Variants in PCDHA6 observed in about 807,000 individuals in gnomAD.
PCDHA6 encodes the protein protocadherin alpha-6.
In PCDHA6, 55 loss-of-function variants were observed where a neutral mutation model predicts 60.3. That is an observed-to-expected ratio of 0.91 (90% CI 0.73 to 1.14). The LOEUF is 1.14. Among genes scored for constraint, PCDHA6 ranks in the 50% most tolerant of loss-of-function variants. PCDHA6 has a pLI of 0.00. For synonymous variants in PCDHA6, 652 were observed against 557.9 expected (o/e 1.17, Z -2.38); for missense variants, 1,327 against 1,256.5 (o/e 1.06, Z -0.85).
chr5:140,868,265 T>G (rs182913735), intron 1 of PCDHA6: 1 of 152,250 alleles, frequency 6.6e-6, no homozygotes, highest in African/African-American at 2.4e-5. Flanking sequence ...GTGGATTCTT[T>G]TTTAAAACTA....
In PCDHA6 at chr5:140,860,044, T is replaced by C. The variant is rs116974556; in HGVS notation, c.2394+29559T>C. On this transcript the variant is annotated intron_variant, in intron 1 of 3. Coordinates refer to ENST00000529310, the MANE Select transcript of PCDHA6 (RefSeq NM_018909.4). The stretch of plus-strand genomic sequence containing the variant: ...TGGCTCACACCTGTAATCCCAGCAT[T>C]TTGAGAGGCCAAGGTGGGAGGATGG... 10 of 151,928 alleles carry C rather than the reference T, an allele frequency of 6.6e-5. No homozygotes were observed. In the East Asian group the frequency reaches 1.9e-3, roughly 29 times the overall value. 9.4% of individuals were successfully genotyped at this position (151,928 alleles called of 1,614,324 possible).
At chr5:140,986,823 A>G (rs2097214089) in intron 3 of PCDHA6, among the ~76,000 whole-genome samples, 1 of 152,166 alleles carries the variant, frequency 6.6e-6, no homozygotes, top group Admixed American at 6.5e-5. Context: ...TTTGGTTTAG[A>G]CAATGGTTCT....
At chr5:140,937,302 G>T (rs1554211521) in intron 1 of PCDHA6, among the ~76,000 whole-genome samples, 4 of 152,094 alleles carry the variant, frequency 2.6e-5, no homozygotes, top group African/African-American at 9.7e-5. Flanking sequence ...CTCCCAAAGT[G>T]CTGGGATTAC....
intron 1 of PCDHA6, among the ~76,000 whole-genome samples, chr5:140,916,543 G>A (rs1554197499): frequency 6.6e-6 from 1 of 152,152 alleles, no homozygotes; most frequent in Non-Finnish European, 1.5e-5. Context: ...AAGGCAATGG[G>A]TTTTCTATTT....
intron 1 of PCDHA6, chr5:140,883,598 G>T (rs782009650): frequency 1.2e-6 from 2 of 1,614,008 alleles, no homozygotes; most frequent in Middle Eastern, 1.7e-4. Flanking sequence ...CGTGTCGGTG[G>T]GGGTGGCCGA....
At chr5:140,926,611 A>G in intron 1 of PCDHA6, 1 of 348,974 alleles carries the variant, frequency 2.9e-6, no homozygotes, top group Non-Finnish European at 5.1e-6. Context: ...TCGTCTCTGC[A>G]CCCCTAGGCG....
intron 1 of PCDHA6, among the ~76,000 whole-genome samples, chr5:140,889,237 A>C (rs1181963973): frequency 6.6e-6 from 1 of 151,844 alleles, no homozygotes; most frequent in Non-Finnish European, 1.5e-5. Context: ...AACTTCCAGA[A>C]AATTTTCTGT....
At chr5:140,869,964 T>C (rs546576795) in intron 1 of PCDHA6, 1 of 1,613,046 alleles carries the variant, frequency 6.2e-7, no homozygotes, top group Non-Finnish European at 8.5e-7. Context: ...TTAAGCCCAA[T>C]GGAAGACACT....
At chr5:140,849,200 C>G (rs2150432715) in intron 1 of PCDHA6, 2 of 1,040,964 alleles carry the variant, frequency 1.9e-6, no homozygotes, top group Non-Finnish European at 2.7e-6. Flanking sequence ...TACTGGACAA[C>G]AATGACAATG....
At position 140,848,597 on chromosome 5, in the gene PCDHA6, C is replaced by T. The variant is rs151001396; in HGVS notation, c.2394+18112C>T. ...TGGGGAGCGGCCAGCTCCACTACTC[C>T]GTCCCGGAGGAAGCCGAACACGGCA... is the stretch of plus-strand genomic sequence containing the variant. On this transcript the variant is annotated intron_variant, in intron 1 of 3. Coordinates refer to ENST00000529310, the MANE Select transcript of PCDHA6 (RefSeq NM_018909.4). The T allele has an allele frequency of 5.0e-6, 8 of 1,591,350 alleles. 1 individual carries two copies. The African/African-American group carries it at 6.7e-5, about 13-fold the overall frequency.
At chr5:140,993,831 T>C (rs2097584101) in intron 3 of PCDHA6, among the ~76,000 whole-genome samples, 1 of 152,190 alleles carries the variant, frequency 6.6e-6, no homozygotes, top group South Asian at 2.1e-4. Flanking sequence ...CTATACCATA[T>C]AGCCTAGGTA....
At chr5:140,838,851 G>A (rs1275085955) in intron 1 of PCDHA6, among the ~76,000 whole-genome samples, 1 of 151,804 alleles carries the variant, frequency 6.6e-6, no homozygotes, top group African/African-American at 2.4e-5. Context: ...AAGCCAGGGA[G>A]GTCCAAGCTG....
intron 1 of PCDHA6, among the ~76,000 whole-genome samples, chr5:140,892,084 C>G (rs1233800772): frequency 6.6e-6 from 1 of 151,992 alleles, no homozygotes; most frequent in African/African-American, 2.4e-5. Flanking sequence ...TTCTAGTTTC[C>G]TCTCGAAACT....
chr5:140,854,252 TA>T, intron 1 of PCDHA6: 1 of 628,060 alleles, frequency 1.6e-6, no homozygotes, highest in Non-Finnish European at 2.0e-6. Flanking sequence ...TCACTTGGTA[TA>T]AAATGTACAT....
At chr5:141,002,220 G>A (rs2098065627) in intron 3 of PCDHA6, among the ~76,000 whole-genome samples, 1 of 152,196 alleles carries the variant, frequency 6.6e-6, no homozygotes. Context: ...TCAAAATGAT[G>A]GGTTTTCTGG....
chr5:140,869,506 C>G (rs782699561), intron 1 of PCDHA6: 20 of 1,614,178 alleles, frequency 1.2e-5, no homozygotes, highest in Admixed American at 6.7e-5. Context: ...GGTGTTCTCG[C>G]TCAGAGAACA....
chr5:140,915,283 C>T (rs1395177735), intron 1 of PCDHA6, among the ~76,000 whole-genome samples: 1 of 152,068 alleles, frequency 6.6e-6, no homozygotes, highest in African/African-American at 2.4e-5. Context: ...ATCATTTACT[C>T]TTTCTACTTA....
At position 140,958,540 on chromosome 5, in the gene PCDHA6, A is replaced by G. The variant is rs920451567; in HGVS notation, c.2395-20409A>G. 4.6e-5 allele frequency among the ~76,000 whole-genome samples: 7 copies of G among 152,312 alleles called. 1 individual carries two copies. In the East Asian group the frequency reaches 1.3e-3, roughly 29 times the overall value. On this transcript the variant is annotated intron_variant, in intron 1 of 3. Coordinates refer to ENST00000529310, the MANE Select transcript of PCDHA6 (RefSeq NM_018909.4). ...ATATATACTATGTGTACATTGATTT[A>G]TGAACCAATAAATGTTTCATACACA... is the stretch of plus-strand genomic sequence containing the variant.
At chr5:140,925,124 A>AGGAAGGAAGGAAGG (rs1554202565) in intron 1 of PCDHA6, among the ~76,000 whole-genome samples, 2 of 151,856 alleles carry the variant, frequency 1.3e-5, no homozygotes, top group African/African-American at 2.4e-5. Context: ...GAAGGAAGGA[A>AGGAAGGAAGGAAGG]AAAAAATTTC....
Sources: allele counts gnomAD v4.1 joint callset (sites outside exome capture counted in the v4.1 genomes callset), GRCh38; gene constraint gnomAD v4.1.1; transcripts MANE v1.5; gene names NCBI Gene and HGNC (gene_info 2026-07-23, HGNC 2026-07-21).